Variants in GRIK4 observed in about 807,000 individuals in gnomAD.
The protein encoded by GRIK4 is glutamate ionotropic receptor kainate type subunit 4, also known as glutamate receptor ionotropic, kainate 4.
A neutral mutation model predicts 104.9 loss-of-function variants in GRIK4; 40 were observed. That is an observed-to-expected ratio of 0.38 (90% CI 0.30 to 0.50). The LOEUF is 0.50. Among genes scored for constraint, GRIK4 ranks in the 20% least tolerant of loss-of-function variants. The pLI is 0.93. For synonymous variants in GRIK4, 485 were observed against 524.9 expected (o/e 0.92, Z 1.04); for missense variants, 1,047 against 1,308.1 (o/e 0.80, Z 3.08).
chr11:120,619,889 T>C (rs1019001512), intron 1 of GRIK4: 2 of 239,714 alleles, frequency 8.3e-6, no homozygotes, highest in Admixed American at 5.6e-5. Flanking sequence ...TTTTTTTTTT[T>C]AATACTGAAA....
At chr11:120,697,472 G>C (rs765920011) in intron 3 of GRIK4, among the ~76,000 whole-genome samples, 3 of 152,134 alleles carry the variant, frequency 2.0e-5, no homozygotes, top group Admixed American at 6.5e-5. Flanking sequence ...AAAATTAGCT[G>C]GGTACGGTGG....
At chr11:120,929,288 G>A (rs983818891) in intron 13 of GRIK4, among the ~76,000 whole-genome samples, 3 of 152,148 alleles carry the variant, frequency 2.0e-5, no homozygotes, top group African/African-American at 7.2e-5. Context: ...GAGCAGATGT[G>A]TGTGTTCTCA....
chr11:120,600,048 T>C (rs1948863068), intron 1 of GRIK4, among the ~76,000 whole-genome samples: 1 of 152,218 alleles, frequency 6.6e-6, no homozygotes, highest in African/African-American at 2.4e-5. Context: ...GACCTTGCCA[T>C]CCGCCCACTC....
intron 1 of GRIK4, among the ~76,000 whole-genome samples, chr11:120,590,797 C>T (rs1948723890): frequency 7.9e-5 from 12 of 152,066 alleles, no homozygotes; most frequent in Admixed American, 7.9e-4. Flanking sequence ...ATGCCAGGCA[C>T]CTTGCTAAGT....
chr11:120,656,245 A>G (rs1434295160), intron 2 of GRIK4, among the ~76,000 whole-genome samples: 1 of 152,230 alleles, frequency 6.6e-6, no homozygotes, highest in Non-Finnish European at 1.5e-5. Context: ...TCTGCTCTGT[A>G]GCAGTTAAGA....
At chr11:120,977,751 C>T (rs538896625) in intron 19 of GRIK4, among the ~76,000 whole-genome samples, 1 of 152,314 alleles carries the variant, frequency 6.6e-6, no homozygotes, top group African/African-American at 2.4e-5. Flanking sequence ...ATGGTTTCTA[C>T]CAGCCTCCTG....
intron 12 of GRIK4, among the ~76,000 whole-genome samples, chr11:120,901,112 C>G (rs1048768653): frequency 6.6e-6 from 1 of 152,212 alleles, no homozygotes; most frequent in Non-Finnish European, 1.5e-5. Flanking sequence ...TCTTTGTCTG[C>G]CTGTCCCCCG....
intron 3 of GRIK4, among the ~76,000 whole-genome samples, chr11:120,697,253 T>C (rs1365530186): frequency 2.6e-5 from 4 of 152,228 alleles, no homozygotes; most frequent in Non-Finnish European, 5.9e-5. Flanking sequence ...CAGACAGTCC[T>C]CAGCATCAGC....
At chr11:120,580,204 T>G (rs992611721) in intron 1 of GRIK4, among the ~76,000 whole-genome samples, 1 of 65,534 alleles carries the variant, frequency 1.5e-5, no homozygotes, top group African/African-American at 6.4e-5. Context: ...GGGTTCTTTC[T>G]TTCTTTCTTT....
chr11:120,910,892 A>G (rs866651360), intron 13 of GRIK4, among the ~76,000 whole-genome samples: 1 of 152,202 alleles, frequency 6.6e-6, no homozygotes, highest in East Asian at 1.9e-4. Context: ...ATCTTTAAGG[A>G]TGAAGAGACA....
At position 120,824,509 on chromosome 11, in the gene GRIK4, CAT is replaced by C. The variant is rs552244123; in HGVS notation, c.511+4590_511+4591del. Among the ~76,000 whole-genome samples, 255 of 151,824 alleles carry C rather than the reference CAT, an allele frequency of 1.7e-3. 2 individuals carry two copies. The highest frequency in any genetic ancestry group is 1.0e-3 in the Non-Finnish European group (71 of 67,894). On this transcript the variant is annotated intron_variant, in intron 6 of 20. Coordinates refer to ENST00000527524, the MANE Select transcript of GRIK4 (RefSeq NM_014619.5). The stretch of plus-strand genomic sequence containing the variant: ...CGTGTATTTCCCTGCTATCTTCCTA[CAT>C]GTCTCAAATCTTATTTTTTTTCCTT...
chr11:120,778,746 G>GGCCGATGAGCCCCTCCTT (rs949165739), intron 3 of GRIK4, among the ~76,000 whole-genome samples: 16 of 152,182 alleles, frequency 1.1e-4, no homozygotes, highest in Non-Finnish European at 4.4e-5. Flanking sequence ...ATTACACAGG[G>GGCCGATGAGCCCCTCCTT]GCCGATGAGC....
intron 3 of GRIK4, among the ~76,000 whole-genome samples, chr11:120,783,926 G>A (rs1476646138): frequency 1.3e-5 from 2 of 152,184 alleles, no homozygotes; most frequent in African/African-American, 2.4e-5. Context: ...TTTAAAGTAT[G>A]TTTGAGACTT....
intron 1 of GRIK4, among the ~76,000 whole-genome samples, chr11:120,629,385 C>T (rs1254689748): frequency 2.6e-5 from 4 of 152,224 alleles, no homozygotes; most frequent in Non-Finnish European, 4.4e-5. Context: ...TGTGAACTAC[C>T]TAGGGCCAAG....
At chr11:120,533,375 A>G (rs751548324) in intron 1 of GRIK4, among the ~76,000 whole-genome samples, 1 of 152,232 alleles carries the variant, frequency 6.6e-6, no homozygotes, top group Non-Finnish European at 1.5e-5. Context: ...CTTAGTCCTT[A>G]TAACAACCCT....
chr11:120,893,796 T>A (rs74483039), intron 11 of GRIK4, among the ~76,000 whole-genome samples: 4 of 152,030 alleles, frequency 2.6e-5, no homozygotes, highest in East Asian at 3.9e-4. Flanking sequence ...TCTTTTTTTT[T>A]CCCCCCAGGA....
At chr11:120,674,741 G>C (rs1414581634) in intron 3 of GRIK4, among the ~76,000 whole-genome samples, 1 of 152,234 alleles carries the variant, frequency 6.6e-6, no homozygotes, top group Non-Finnish European at 1.5e-5. Context: ...TGAAAGAACA[G>C]GGATTTTCCC....
intron 3 of GRIK4, among the ~76,000 whole-genome samples, chr11:120,787,851 TC>T (rs1414043610): frequency 3.1e-4 from 30 of 97,368 alleles, no homozygotes; most frequent in African/African-American, 9.5e-4. Context: ...TCTTTTCTTT[TC>T]TTTTTTTTTT....
intron 3 of GRIK4, among the ~76,000 whole-genome samples, chr11:120,662,141 A>G (rs1949827890): frequency 6.6e-6 from 1 of 152,194 alleles, no homozygotes; most frequent in Non-Finnish European, 1.5e-5. Context: ...CTGGGAGGGA[A>G]GCAGAAAGCG....
Sources: allele counts gnomAD v4.1 joint callset (sites outside exome capture counted in the v4.1 genomes callset), GRCh38; gene constraint gnomAD v4.1.1; transcripts MANE v1.5; gene names NCBI Gene and HGNC (gene_info 2026-07-23, HGNC 2026-07-21).